The following VPS53 variants were observed in gnomAD, a reference collection of about 807,000 sequenced individuals.
The protein encoded by VPS53 is VPS53 subunit of GARP complex.
VPS53 carries 70 observed loss-of-function variants against 107.0 expected under a neutral mutation model. That is an observed-to-expected ratio of 0.65 (90% confidence interval 0.54 to 0.80). VPS53 has a LOEUF of 0.80. Ranked by LOEUF, VPS53 falls within the 30% of genes least tolerant of loss-of-function variation. The probability of loss-of-function intolerance (pLI) is 0.00; values close to 1 mark genes in which losing one functional copy is unlikely to be tolerated. For synonymous variants in VPS53, 409 were observed against 393.3 expected, an observed-to-expected ratio of 1.04 and a Z score of -0.47; for missense variants, 917 against 1,049.4, an observed-to-expected ratio of 0.87 and a Z score of 1.74.
chr17:626,879 G>C (rs1336856791), intron 10 of VPS53, among the ~76,000 whole-genome samples: 2 of 152,148 alleles, frequency 1.3e-5, no homozygotes, highest in East Asian at 1.9e-4. Context: ...TACCGACTAG[G>C]GGAAAACGTG....
chr17:646,265 G>A (rs1970700412), intron 7 of VPS53, among the ~76,000 whole-genome samples: 1 of 125,326 alleles, frequency 8.0e-6, no homozygotes, highest in African/African-American at 2.8e-5. Flanking sequence ...CCATACCACG[G>A]ACTGGAGATC....
intron 17 of VPS53, among the ~76,000 whole-genome samples, chr17:544,804 G>A (rs1211680836): frequency 1.3e-5 from 2 of 152,076 alleles, no homozygotes; most frequent in Admixed American, 6.6e-5. Context: ...TGGAGGCCAG[G>A]CACAGTGGCT....
intron 17 of VPS53, among the ~76,000 whole-genome samples, chr17:550,174 AGAT>A (rs1185862763): frequency 6.6e-6 from 1 of 152,210 alleles, no homozygotes; most frequent in East Asian, 1.9e-4. Flanking sequence ...ATGTGGGCCC[AGAT>A]GATGTCACGT....
chr17:609,553 G>T (rs1968745891), intron 11 of VPS53, among the ~76,000 whole-genome samples: 4 of 152,054 alleles, frequency 2.6e-5, no homozygotes, highest in African/African-American at 9.7e-5. Context: ...TTTTCTATTT[G>T]GCAGAGTTAC....
At chr17:629,810 CACACACACACACA>C (rs1326441275) in intron 8 of VPS53, among the ~76,000 whole-genome samples, 1 of 1,456 alleles carries the variant, frequency 6.9e-4, no homozygotes, top group Admixed American at 0.015. Flanking sequence ...AAAAAAAAAC[CACACACACACACA>C]CACACACACA....
intron 13 of VPS53, among the ~76,000 whole-genome samples, chr17:574,094 G>A (rs1914408407): frequency 2.0e-5 from 3 of 152,240 alleles, no homozygotes; most frequent in Admixed American, 1.3e-4. Flanking sequence ...TATTTTGTCT[G>A]ACTATCTCTC....
chr17:679,470 C>T (rs776635466), intron 4 of VPS53, among the ~76,000 whole-genome samples: 19 of 151,932 alleles, frequency 1.3e-4, no homozygotes, highest in Admixed American at 2.6e-4. Context: ...GCCGAGATTG[C>T]GCCACTGCAC....
chr17:625,412 TTACCATGCCTGTGAATAGCCATTG>T (rs1431771894), intron 10 of VPS53, among the ~76,000 whole-genome samples: 1 of 151,506 alleles, frequency 6.6e-6, no homozygotes, highest in Non-Finnish European at 1.5e-5. Context: ...GGGTACGCTA[TTACCATGCCTGTGAATAGCCATTG>T]TACTCCAGCC....
chr17:641,013 C>A (rs889806670), intron 7 of VPS53, among the ~76,000 whole-genome samples: 1 of 152,088 alleles, frequency 6.6e-6, no homozygotes, highest in African/African-American at 2.4e-5. Flanking sequence ...TGCCACCACG[C>A]CTGGCTAATT....
intron 8 of VPS53, among the ~76,000 whole-genome samples, chr17:630,681 AG>A (rs1475292986): frequency 6.7e-6 from 1 of 149,974 alleles, no homozygotes; most frequent in Non-Finnish European, 1.5e-5. Context: ...TGGAACACAA[AG>A]AAAAAATAAT....
At chr17:559,660 GT>G (rs1349394896) in intron 15 of VPS53, among the ~76,000 whole-genome samples, 1 of 152,246 alleles carries the variant, frequency 6.6e-6, no homozygotes, top group Non-Finnish European at 1.5e-5. Context: ...AAGCTGGGCT[GT>G]CTGAACTATC....
chr17:528,595 CTTTTTTTT>C (rs138081726), intron 19 of VPS53, among the ~76,000 whole-genome samples: 1 of 101,274 alleles, frequency 9.9e-6, no homozygotes, highest in Admixed American at 1.1e-4. Context: ...TTTTTCAATT[CTTTTTTTT>C]TTTTTTTTTT....
intron 7 of VPS53, among the ~76,000 whole-genome samples, chr17:650,968 T>A (rs1458047540): frequency 6.6e-6 from 1 of 152,192 alleles, no homozygotes; most frequent in African/African-American, 2.4e-5. Context: ...GCGTAAGGCA[T>A]GAAACCATTT....
At chr17:678,470 TTTTTTA>T (rs1367131399) in intron 4 of VPS53, among the ~76,000 whole-genome samples, 3 of 151,692 alleles carry the variant, frequency 2.0e-5, no homozygotes, top group African/African-American at 7.3e-5. Context: ...ATAAAAATTC[TTTTTTA>T]TTTTTTTTGA....
rs1294597559 is a variant in VPS53 at position 543,061 on chromosome 17, G to T, written c.1867-5885C>A. Among the ~76,000 whole-genome samples the T allele has an allele frequency of 2.0e-5, 3 of 151,920 alleles. No individual in the cohort carries two copies. In the East Asian group the frequency reaches 5.8e-4, roughly 29 times the overall value. On this transcript the variant is annotated intron_variant, in intron 17 of 21. Coordinates refer to ENST00000437048, the MANE Select transcript of VPS53 (RefSeq NM_001128159.3). ...TGGGAAAAATCTTTTTTATGAAAAA[G>T]AAAGCTGTGTCTTGATTCTAGGTAG...
At chr17:534,487 A>G (rs1019391775) in intron 18 of VPS53, among the ~76,000 whole-genome samples, 6 of 152,196 alleles carry the variant, frequency 3.9e-5, no homozygotes, top group Non-Finnish European at 8.8e-5. Context: ...GTGATCAGGA[A>G]GGAGAGTAAA....
chr17:547,768 G>A (rs567778057), intron 17 of VPS53, among the ~76,000 whole-genome samples: 1 of 152,292 alleles, frequency 6.6e-6, no homozygotes, highest in South Asian at 2.1e-4. Flanking sequence ...CTCCTGAGTA[G>A]CTGGGACTAT....
chr17:565,983 C>G (rs1913466876), intron 13 of VPS53, among the ~76,000 whole-genome samples: 1 of 152,058 alleles, frequency 6.6e-6, no homozygotes, highest in African/African-American at 2.4e-5. Context: ...GCGGGCGGAT[C>G]ACGAGGTCAG....
In VPS53 at chr17:631,733, A is replaced by G. The variant is rs1014189288; in HGVS notation, c.609-105T>C. 1.8e-5 allele frequency: 18 copies of G among 1,016,210 alleles called. No individual in the cohort carries two copies. In the African/African-American group the frequency reaches 2.7e-4, roughly 15 times the overall value. 62.9% of individuals were successfully genotyped at this position (1,016,210 alleles called of 1,614,324 possible). A position where few individuals can be genotyped will look rare whatever the true frequency, so the allele number is the denominator to read the frequency against. ...CTGAAGTCTTTCGAGAAAGGCCAGGAAGGGTACAGAGACGTCCATGAGGTG... is the reference window on the plus strand; with the variant it reads ...CTGAAGTCTTTCGAGAAAGGCCAGGGAGGGTACAGAGACGTCCATGAGGTG... On this transcript the variant is annotated intron_variant, in intron 7 of 21. Transcript: ENST00000437048.
Sources: gnomAD v4.1 joint callset for allele counts (sites outside exome capture counted in the v4.1 genomes callset) on GRCh38, gnomAD v4.1.1 for gene constraint, MANE v1.5 for transcripts, NCBI Gene and HGNC (gene_info 2026-07-23, HGNC 2026-07-21) for gene names.